Variants in MARCHF6 observed in about 807,000 individuals in gnomAD.
The protein encoded by MARCHF6 is membrane associated ring-CH-type finger 6, also known as E3 ubiquitin-protein ligase MARCHF6.
MARCHF6 carries 31 observed loss-of-function variants against 133.7 expected under a neutral mutation model. The observed-to-expected ratio is 0.23, with a 90% confidence interval of 0.17 to 0.31. MARCHF6 has a LOEUF of 0.31. Ranked by LOEUF, MARCHF6 falls within the 10% of genes least tolerant of loss-of-function variation. The pLI, the probability that MARCHF6 is intolerant of heterozygous loss-of-function variation, is 1.00. For missense variants in MARCHF6, 723 were observed against 1,121.6 expected, an observed-to-expected ratio of 0.64 and a Z score of 5.08; for synonymous variants, 395 against 402.5, an observed-to-expected ratio of 0.98 and a Z score of 0.22.
At chr5:10,411,938 G>C (rs543834485) in intron 19 of MARCHF6, among the ~76,000 whole-genome samples, 1 of 152,334 alleles carries the variant, frequency 6.6e-6, no homozygotes, top group South Asian at 2.1e-4. Flanking sequence ...GGTTAAGAAT[G>C]TGCCTATTAC....
intron 15 of MARCHF6, 133 bp from the exon 16 acceptor site, chr5:10,405,425 C>A: frequency 1.5e-6 from 1 of 649,222 alleles, no homozygotes; most frequent in South Asian, 2.6e-5. Context: ...CTAAGAATAC[C>A]ATGTACATTT....
intron 1 of MARCHF6, among the ~76,000 whole-genome samples, chr5:10,375,965 C>T (rs1364928862): frequency 4.6e-5 from 7 of 152,098 alleles, no homozygotes; most frequent in African/African-American, 1.7e-4. Context: ...CTGATGGGGA[C>T]GTGGAGAACC....
intron 1 of MARCHF6, among the ~76,000 whole-genome samples, chr5:10,366,288 C>T (rs1283668909): frequency 2.6e-5 from 4 of 152,116 alleles, no homozygotes; most frequent in Admixed American, 6.5e-5. Context: ...TTTATATAGC[C>T]GCTTCCCTAT....
chr5:10,353,795 G>A lies in MARCHF6; in HGVS notation c.-104G>A. 3.0e-6 allele frequency: 3 copies of A among 1,004,908 alleles called. No homozygotes were observed. The highest frequency in any genetic ancestry group is 3.1e-5 in the East Asian group (1 of 32,188). 62.2% of individuals were successfully genotyped at this position (1,004,908 alleles called of 1,614,324 possible). Reference sequence around the variant, plus strand: ...CTCGCTTCCTCTCTCGCACCTGAGCGTACGCACCTGCCCGGGCCCGGCTCC... The same window carrying A: ...CTCGCTTCCTCTCTCGCACCTGAGCATACGCACCTGCCCGGGCCCGGCTCC... On this transcript the variant is annotated 5_prime_UTR_variant, in exon 1 of 26. Coordinates refer to ENST00000274140, the MANE Select transcript of MARCHF6 (RefSeq NM_005885.4).
chr5:10,400,731 G>C (rs1311095679), intron 10 of MARCHF6, 53 bp from the exon 11 acceptor site: 1 of 1,259,624 alleles, frequency 7.9e-7, no homozygotes, highest in Non-Finnish European at 1.2e-6. Flanking sequence ...TGTAGTAGGA[G>C]TGTTCATTGT....
chr5:10,403,301 T>A (rs1454352406), intron 14 of MARCHF6, 106 bp from the exon 15 acceptor site: 5 of 1,075,868 alleles, frequency 4.6e-6, no homozygotes, highest in Non-Finnish European at 6.8e-6. Flanking sequence ...GTTCTAGGAA[T>A]TGTTCCTTGC....
chr5:10,374,043 ACTG>A (rs1156781879), intron 1 of MARCHF6, among the ~76,000 whole-genome samples: 1 of 151,072 alleles, frequency 6.6e-6, no homozygotes, highest in African/African-American at 2.4e-5. Flanking sequence ...TGAGGCGACC[ACTG>A]TGACCAAGAA....
At chr5:10,408,926 C>T (rs1286101135) in intron 17 of MARCHF6, among the ~76,000 whole-genome samples, 2 of 152,112 alleles carry the variant, frequency 1.3e-5, no homozygotes, top group African/African-American at 2.4e-5. Context: ...ATTGTTTTAT[C>T]CCAGATGGCA....
chr5:10,417,516 T>C, intron 22 of MARCHF6, 112 bp downstream of exon 22: 2 of 1,367,612 alleles, frequency 1.5e-6, no homozygotes, highest in Non-Finnish European at 2.0e-6. Flanking sequence ...GAGGCTGAGG[T>C]GGGAGGACTG....
intron 1 of MARCHF6, among the ~76,000 whole-genome samples, chr5:10,374,211 T>C (rs1215179281): frequency 6.6e-6 from 1 of 152,190 alleles, no homozygotes; most frequent in Non-Finnish European, 1.5e-5. Context: ...GGCCCTGTAG[T>C]TGGAAAGAGT....
chr5:10,414,587 G>T, intron 20 of MARCHF6, 85 bp downstream of exon 20: 1 of 1,091,332 alleles, frequency 9.2e-7, no homozygotes, highest in Non-Finnish European at 1.4e-6. Context: ...CTGTTCCCCA[G>T]TCTGGAGGGT....
At chr5:10,421,677 T>C (rs1739831891) in intron 22 of MARCHF6, among the ~76,000 whole-genome samples, 1 of 152,154 alleles carries the variant, frequency 6.6e-6, no homozygotes. Context: ...TGGGTAAACA[T>C]TAATCTCATT....
At chr5:10,427,508 A>C (rs1740149107) in intron 24 of MARCHF6, among the ~76,000 whole-genome samples, 1 of 152,338 alleles carries the variant, frequency 6.6e-6, no homozygotes, top group Non-Finnish European at 1.5e-5. Context: ...TTAAACAACC[A>C]TGGAATGGCC....
Position 10,382,050 on chromosome 5 carries a change from G to C in MARCHF6, c.334+107G>C, listed in dbSNP as rs573301708. 39 of 1,158,244 alleles carry C rather than the reference G, an allele frequency of 3.4e-5. No homozygotes were observed. In the East Asian group the frequency reaches 9.3e-4, roughly 28 times the overall value. The allele number at this position is 1,158,244 out of a possible 1,614,324, so 71.7% of individuals were successfully genotyped here. On this transcript the variant is annotated intron_variant, in intron 4 of 25. Transcript: ENST00000274140. ...TTATTTGACTGATGTTTAGTTATTT[G>C]ATGTCAGAGTGTCATGTATTAGGAA...
chr5:10,354,276 C>T (rs1012368009), intron 1 of MARCHF6, among the ~76,000 whole-genome samples: 2 of 152,184 alleles, frequency 1.3e-5, no homozygotes, highest in Non-Finnish European at 1.5e-5. Flanking sequence ...CGCACCCTTC[C>T]CCCACTGGGT....
At chr5:10,412,867 G>C (rs1739308895) in intron 19 of MARCHF6, among the ~76,000 whole-genome samples, 1 of 152,184 alleles carries the variant, frequency 6.6e-6, no homozygotes, top group Admixed American at 6.5e-5. Context: ...AGCCACTGCG[G>C]CTGGCCTAAT....
intron 1 of MARCHF6, among the ~76,000 whole-genome samples, chr5:10,366,541 CATT>C (rs1382534552): frequency 6.6e-6 from 1 of 152,072 alleles, no homozygotes; most frequent in Admixed American, 6.5e-5. Flanking sequence ...TTGAGACCGT[CATT>C]ATGAGACTGA....
At chr5:10,380,258 G>A (rs975061501) in intron 3 of MARCHF6, among the ~76,000 whole-genome samples, 9 of 151,772 alleles carry the variant, frequency 5.9e-5, no homozygotes, top group Admixed American at 5.3e-4. Flanking sequence ...TTTATTTGAT[G>A]AGTATAAATG....
In MARCHF6 at chr5:10,433,791, A is replaced by T; in HGVS notation, c.*107A>T. On this transcript the variant is annotated 3_prime_UTR_variant, in exon 26 of 26. Coordinates refer to ENST00000274140, the MANE Select transcript of MARCHF6 (RefSeq NM_005885.4). Reference sequence around the variant, plus strand: ...TCTCTCAGCGTTGTTTTTAAGTTAAATGTATTTGACTTGTGTTCTCAGCAT... The same window carrying T: ...TCTCTCAGCGTTGTTTTTAAGTTAATTGTATTTGACTTGTGTTCTCAGCAT... The T allele has an allele frequency of 1.1e-6, 1 of 902,298 alleles. No individual in the cohort carries two copies. Among genetic ancestry groups the T allele is most frequent in the Non-Finnish European group, 1.8e-6 (1 of 557,884 alleles). 55.9% of individuals were successfully genotyped at this position (902,298 alleles called of 1,614,324 possible). A position where few individuals can be genotyped will look rare whatever the true frequency, so the allele number is the denominator to read the frequency against.
Sources: allele counts gnomAD v4.1 joint callset (sites outside exome capture counted in the v4.1 genomes callset), GRCh38; gene constraint gnomAD v4.1.1; transcripts MANE v1.5; gene names NCBI Gene and HGNC (gene_info 2026-07-23, HGNC 2026-07-21).